MGLL: variants seen among roughly 807,000 people sequenced by gnomAD.
MGLL encodes the protein monoglyceride lipase, also known as lysophospholipase homolog.
A neutral mutation model predicts 29.1 loss-of-function variants in MGLL; 7 were observed. The observed-to-expected ratio is 0.24, with a 90% CI of 0.14 to 0.45. The LOEUF is 0.45. Among genes scored for constraint, MGLL ranks in the 20% least tolerant of loss-of-function variants. The probability of loss-of-function intolerance (pLI) is 0.99; values close to 1 mark genes in which losing one functional copy is unlikely to be tolerated. For synonymous variants in MGLL, 148 were observed against 168.3 expected (o/e 0.88, Z 0.93); for missense variants, 356 against 413.6 (o/e 0.86, Z 1.21).
Position 127,701,260 on chromosome 3 carries a change from C to CA in MGLL, c.601-6071dup, listed in dbSNP as rs890340167. Among the ~76,000 whole-genome samples, 9 of 121,810 alleles carry CA rather than the reference C, an allele frequency of 7.4e-5. No individual in the cohort carries two copies. The East Asian group carries it at 1.3e-3, about 17-fold the overall frequency. 79.9% of individuals were successfully genotyped at this position (121,810 alleles called of 152,430 possible). On this transcript the variant is annotated intron_variant, in intron 6 of 7. Transcript: ENST00000265052. The stretch of plus-strand genomic sequence containing the variant: ...CCACCACCAACAACAATAGCAACAA[C>CA]AAAAAAAACAACGTCAATGTCCTGT...
At chr3:127,760,408 G>C (rs549112898) in intron 3 of MGLL, among the ~76,000 whole-genome samples, 4 of 152,366 alleles carry the variant, frequency 2.6e-5, no homozygotes, top group Admixed American at 6.5e-5. Context: ...CACAGGGCAC[G>C]TGGGTGCTGA....
intron 6 of MGLL, among the ~76,000 whole-genome samples, chr3:127,706,915 G>A (rs1469193043): frequency 2.6e-5 from 4 of 152,182 alleles, no homozygotes; most frequent in Admixed American, 6.5e-5. Flanking sequence ...TCCAAGACCC[G>A]GCAGGAGCCT....
chr3:127,795,363 A>T (rs2077367010), intron 2 of MGLL, among the ~76,000 whole-genome samples: 1 of 151,642 alleles, frequency 6.6e-6, no homozygotes, highest in African/African-American at 2.4e-5. Flanking sequence ...CATGGACATA[A>T]AGCTGGGAAA....
At chr3:127,705,690 C>T (rs189141264) in intron 6 of MGLL, among the ~76,000 whole-genome samples, 21 of 151,144 alleles carry the variant, frequency 1.4e-4, no homozygotes, top group African/African-American at 3.9e-4. Flanking sequence ...GCAGGAGAAT[C>T]GCTTGAATCT....
At chr3:127,737,173 T>G (rs932706728) in intron 3 of MGLL, among the ~76,000 whole-genome samples, 14 of 151,968 alleles carry the variant, frequency 9.2e-5, no homozygotes, top group Admixed American at 4.6e-4. Context: ...GCCTCAATTT[T>G]CATAATGACC....
intron 3 of MGLL, among the ~76,000 whole-genome samples, chr3:127,774,387 A>G (rs2076998204): frequency 6.6e-6 from 1 of 152,220 alleles, no homozygotes; most frequent in South Asian, 2.1e-4. Context: ...TTGGCAGGAC[A>G]TAACACCTCT....
chr3:127,702,391 C>T (rs2075509150), intron 6 of MGLL, among the ~76,000 whole-genome samples: 1 of 152,208 alleles, frequency 6.6e-6, no homozygotes, highest in Non-Finnish European at 1.5e-5. Context: ...CAAGCAAGCC[C>T]TGCCTACCAG....
rs565792982 is a variant in MGLL, at chr3:127,796,010, C to T, written c.156-14115G>A. ...CTGCTTTTGATTCCTTAACATCTTT[C>T]CATGAACATCTTCCCATGGAAATAG... On this transcript the variant is annotated intron_variant, in intron 2 of 7. Transcript: ENST00000265052. 3.6e-4 allele frequency among the ~76,000 whole-genome samples: 55 copies of T among 152,282 alleles called. 1 individual carries two copies. Among genetic ancestry groups the T allele is most frequent in the African/African-American group, 1.2e-3 (51 of 41,544 alleles).
At chr3:127,759,504 C>T (rs1366519738) in intron 3 of MGLL, among the ~76,000 whole-genome samples, 2 of 152,182 alleles carry the variant, frequency 1.3e-5, no homozygotes, top group Non-Finnish European at 2.9e-5. Context: ...AGAGGGATGT[C>T]TGTGTTCACC....
At chr3:127,809,737 C>T (rs1486387773) in intron 2 of MGLL, among the ~76,000 whole-genome samples, 1 of 152,104 alleles carries the variant, frequency 6.6e-6, no homozygotes, top group African/African-American at 2.4e-5. Flanking sequence ...CCTTACTCTG[C>T]AATGACAGAG....
intron 2 of MGLL, among the ~76,000 whole-genome samples, chr3:127,786,288 T>G (rs1025895629): frequency 6.6e-6 from 1 of 152,190 alleles, no homozygotes; most frequent in Non-Finnish European, 1.5e-5. Flanking sequence ...AGGAAAGTGG[T>G]TGGTTCCTGC....
chr3:127,754,128 G>A (rs1371273949), intron 3 of MGLL, among the ~76,000 whole-genome samples: 3 of 152,172 alleles, frequency 2.0e-5, no homozygotes, highest in Admixed American at 6.5e-5. Context: ...ACAGCCTCCC[G>A]CTCACCCAGG....
intron 3 of MGLL, among the ~76,000 whole-genome samples, chr3:127,724,953 T>C (rs978199418): frequency 3.9e-5 from 6 of 152,142 alleles, no homozygotes; most frequent in Admixed American, 2.6e-4. Flanking sequence ...CGACCACTCC[T>C]GGCCCAGCCT....
chr3:127,707,189 G>T (rs1421905544), intron 6 of MGLL, among the ~76,000 whole-genome samples: 1 of 152,202 alleles, frequency 6.6e-6, no homozygotes, highest in Non-Finnish European at 1.5e-5. Flanking sequence ...AGTGGCCTCA[G>T]GAGATAAGCA....
intron 3 of MGLL, among the ~76,000 whole-genome samples, chr3:127,751,536 C>A (rs184421860): frequency 6.6e-6 from 1 of 151,932 alleles, no homozygotes; most frequent in African/African-American, 2.4e-5. Flanking sequence ...GACACAGCTG[C>A]CATGCGACCT....
At chr3:127,781,122 T>C (rs905400188) in intron 3 of MGLL, among the ~76,000 whole-genome samples, 3 of 152,182 alleles carry the variant, frequency 2.0e-5, no homozygotes, top group East Asian at 3.8e-4. Context: ...TGCATGTATA[T>C]GTCTATATGT....
At chr3:127,805,717 A>T (rs1245714228) in intron 2 of MGLL, among the ~76,000 whole-genome samples, 1 of 152,250 alleles carries the variant, frequency 6.6e-6, no homozygotes, top group East Asian at 1.9e-4. Flanking sequence ...CTTGGGTTCA[A>T]ATCCTGGCCC....
chr3:127,777,000 T>C (rs778338643), intron 3 of MGLL, among the ~76,000 whole-genome samples: 1 of 151,790 alleles, frequency 6.6e-6, no homozygotes, highest in Non-Finnish European at 1.5e-5. Flanking sequence ...CCACGCAGGA[T>C]AATACATGCT....
intron 6 of MGLL, among the ~76,000 whole-genome samples, chr3:127,709,524 G>C (rs2075668599): frequency 6.6e-6 from 1 of 152,104 alleles, no homozygotes; most frequent in South Asian, 2.1e-4. Context: ...GGGCCAGAAG[G>C]CCACAGTTTA....
Sources: gnomAD v4.1 joint callset for allele counts (sites outside exome capture counted in the v4.1 genomes callset) on GRCh38, gnomAD v4.1.1 for gene constraint, MANE v1.5 for transcripts, NCBI Gene and HGNC (gene_info 2026-07-23, HGNC 2026-07-21) for gene names.